Variants in ALDH7A1 observed in about 807,000 individuals in gnomAD.
The protein encoded by ALDH7A1 is aldehyde dehydrogenase 7 family member A1.
ALDH7A1 carries 63 observed loss-of-function variants against 79.9 expected under a neutral mutation model. The observed-to-expected ratio is 0.79, with a 90% CI of 0.64 to 0.97. The LOEUF (loss-of-function observed/expected upper bound fraction) is 0.97. Among genes scored for constraint, ALDH7A1 ranks in the 50% least tolerant of loss-of-function variants. The pLI, the probability that ALDH7A1 is intolerant of heterozygous loss-of-function variation, is 0.00. For synonymous variants in ALDH7A1, 240 were observed against 231.2 expected, an observed-to-expected ratio of 1.04 and a Z score of -0.34; for missense variants, 627 against 665.2, an observed-to-expected ratio of 0.94 and a Z score of 0.63.
chr5:126,593,830 T>G (rs1321118247), intron 1 of ALDH7A1: 1 of 282,364 alleles, frequency 3.5e-6, no homozygotes, highest in East Asian at 8.8e-5. Flanking sequence ...AGGTCTCAGG[T>G]CAACAATGAA....
At chr5:126,561,212 T>G in intron 9 of ALDH7A1, 88 bp from the exon 10 acceptor site, 2 of 1,054,304 alleles carry the variant, frequency 1.9e-6, no homozygotes, top group South Asian at 3.2e-5. Flanking sequence ...AATTATTAAA[T>G]TATATAGCCT....
chr5:126,574,042 A>AG (rs1750877018), intron 7 of ALDH7A1, among the ~76,000 whole-genome samples: 1 of 150,720 alleles, frequency 6.6e-6, no homozygotes, highest in African/African-American at 2.5e-5. Flanking sequence ...AAAAAAAAAA[A>AG]AAAAGAAAAC....
At chr5:126,568,457 C>T in intron 8 of ALDH7A1, 101 bp from the exon 9 acceptor site, 1 of 987,810 alleles carries the variant, frequency 1.0e-6, no homozygotes, top group Non-Finnish European at 1.6e-6. Flanking sequence ...AAAGCAGTCC[C>T]TTGAAGCTAC....
At chr5:126,571,022 T>A (rs944651393) in intron 7 of ALDH7A1, 163 bp from the exon 8 acceptor site, 1 of 687,696 alleles carries the variant, frequency 1.5e-6, no homozygotes, top group Middle Eastern at 3.3e-4. Context: ...TTCTAAGTCA[T>A]TGTTCCTAAA....
intron 5 of ALDH7A1, 47 bp downstream of exon 5, chr5:126,582,804 C>G (rs1581394642): frequency 6.2e-7 from 1 of 1,608,978 alleles, no homozygotes; most frequent in East Asian, 2.2e-5. Flanking sequence ...TTTTGGAGCT[C>G]TGTATATCAG....
chr5:126,591,315 C>G (rs1350853244), intron 3 of ALDH7A1, among the ~76,000 whole-genome samples: 2 of 151,952 alleles, frequency 1.3e-5, no homozygotes, highest in Non-Finnish European at 2.9e-5. Context: ...AACCCTAGGC[C>G]ATACTTCTAT....
chr5:126,550,204 G>A lies in ALDH7A1; in HGVS notation c.1407C>T (p.Arg469=). 1 of 1,612,538 alleles carries A rather than the reference G, an allele frequency of 6.2e-7. No individual in the cohort carries two copies. The highest frequency in any genetic ancestry group is 8.5e-7 in the Non-Finnish European group (1 of 1,179,756). The change falls in exon 15 of 18, where the codon CGC becomes CGT. Residue 469 remains arginine, a synonymous_variant. Coordinates refer to ENST00000409134, the MANE Select transcript of ALDH7A1 (RefSeq NM_001182.5). The part of the protein sequence containing the change: ...IFTKDLGRIF[R]WLGPKGSDCG... ...AATAGACAAAGTTGTACCCAAGCCAGCGAAAGATTCTGCCCAGATCTTTGG... is the reference window on the plus strand; with the variant it reads ...AATAGACAAAGTTGTACCCAAGCCAACGAAAGATTCTGCCCAGATCTTTGG...
chr5:126,551,726 G>C (rs1750006126), intron 14 of ALDH7A1, among the ~76,000 whole-genome samples: 1 of 152,132 alleles, frequency 6.6e-6, no homozygotes, highest in African/African-American at 2.4e-5. Flanking sequence ...TCAGGAGAAG[G>C]TGACTCTATG....
chr5:126,559,271 G>A lies in ALDH7A1; in HGVS notation c.977C>T (p.Ala326Val). The A allele has an allele frequency of 1.2e-6, 2 of 1,614,022 alleles. No individual in the cohort carries two copies. The highest frequency in any genetic ancestry group is 1.1e-5 in the South Asian group (1 of 91,082). Reference protein sequence around the residue: ...PSALFAAVGTAGQRCTTARRL... With the variant: ...PSALFAAVGTVGQRCTTARRL... ...CCTCGCAGTGGTACACCTCTGGCCA[G>A]CTGTTCCCACAGCAGCGAAGAGAGC... The change falls in exon 11 of 18, where the codon GCT (alanine) becomes GTT (valine). Residue 326 changes from alanine (A) to valine (V), a missense_variant. By Grantham distance (64) the Ala-to-Val change is moderately conservative (BLOSUM62 0). Coordinates refer to ENST00000409134, the MANE Select transcript of ALDH7A1 (RefSeq NM_001182.5).
At position 126,573,820 on chromosome 5, in the gene ALDH7A1, T is replaced by C. The variant is rs188634952; in HGVS notation, c.695+1600A>G. Among the ~76,000 whole-genome samples, 1,343 of 148,964 alleles carry C rather than the reference T, an allele frequency of 9.0e-3. 23 individuals carry two copies. The highest frequency in any genetic ancestry group is 0.031 in the African/African-American group (1,260 of 40,412). On this transcript the variant is annotated intron_variant, in intron 7 of 17. Transcript: ENST00000409134. ...AGGCAGAGGTTGGAGTGAGCCGAGA[T>C]TGTGCCACTGCCCTCCAGCCTGGGC...
At chr5:126,547,531 T>G (rs1184876508) in intron 16 of ALDH7A1, among the ~76,000 whole-genome samples, 1 of 152,162 alleles carries the variant, frequency 6.6e-6, no homozygotes, top group Non-Finnish European at 1.5e-5. Flanking sequence ...TACTGCTTCT[T>G]CAGTATGCAA....
chr5:126,578,653 A>G (rs1201276621), intron 5 of ALDH7A1, among the ~76,000 whole-genome samples: 1 of 148,004 alleles, frequency 6.8e-6, no homozygotes. Context: ...AAAAAAAAAA[A>G]AAGAAAGAAA....
chr5:126,548,646 T>C (rs760568811), intron 16 of ALDH7A1, among the ~76,000 whole-genome samples: 5 of 152,064 alleles, frequency 3.3e-5, no homozygotes, highest in Non-Finnish European at 7.4e-5. Context: ...AGGCTGGTCT[T>C]GAACTCCTGA....
At chr5:126,561,984 A>G (rs891728175) in intron 9 of ALDH7A1, 2 of 152,162 alleles carry the variant, frequency 1.3e-5, no homozygotes, top group African/African-American at 4.8e-5. Flanking sequence ...GTAAATAAAT[A>G]AATAAGAGAA....
chr5:126,592,818 T>C (rs1450268570), intron 2 of ALDH7A1, 89 bp from the exon 3 acceptor site: 54 of 1,318,202 alleles, frequency 4.1e-5, no homozygotes, highest in Middle Eastern at 2.2e-4. Flanking sequence ...CAGAAAAGAG[T>C]TGGGAAATCT....
intron 1 of ALDH7A1, 42 bp downstream of exon 1, chr5:126,594,965 C>A (rs1034760731): frequency 1.9e-6 from 3 of 1,555,226 alleles, no homozygotes; most frequent in Non-Finnish European, 2.6e-6. Flanking sequence ...CCTCCTCGAG[C>A]GAGCCCCGGC....
chr5:126,550,656 C>T (rs188135835), intron 14 of ALDH7A1, among the ~76,000 whole-genome samples: 2 of 146,138 alleles, frequency 1.4e-5, no homozygotes, highest in East Asian at 3.9e-4. Flanking sequence ...TACTACCTCC[C>T]AATTTACAGA....
At chr5:126,560,992 C>T (rs201477865) in intron 10 of ALDH7A1, 91 bp downstream of exon 10, 26 of 1,433,816 alleles carry the variant, frequency 1.8e-5, no homozygotes, top group African/African-American at 2.8e-5. Context: ...GCAACATGGA[C>T]GAAATGAGAT....
intron 5 of ALDH7A1, among the ~76,000 whole-genome samples, chr5:126,579,871 G>T (rs1468866986): frequency 2.6e-5 from 4 of 152,166 alleles, no homozygotes; most frequent in Non-Finnish European, 4.4e-5. Context: ...GAGGTGGAAA[G>T]ATTGCTTGAG....
Sources: gnomAD v4.1 joint callset for allele counts (sites outside exome capture counted in the v4.1 genomes callset) on GRCh38, gnomAD v4.1.1 for gene constraint, MANE v1.5 for transcripts, NCBI Gene and HGNC (gene_info 2026-07-23, HGNC 2026-07-21) for gene names.